SYN2: variants seen among roughly 807,000 people sequenced by gnomAD.
The protein encoded by SYN2 is synapsin II, also known as synapsin-2.
In SYN2, 19 loss-of-function variants were observed where a neutral mutation model predicts 50.9. The ratio of observed to expected loss-of-function variants is 0.37; its 90% CI spans 0.26 to 0.55. The LOEUF (loss-of-function observed/expected upper bound fraction) is 0.55. Ranked by LOEUF, SYN2 falls within the 20% of genes least tolerant of loss-of-function variation. The probability of loss-of-function intolerance (pLI) is 0.81; values close to 1 mark genes in which losing one functional copy is unlikely to be tolerated. For synonymous variants in SYN2, 255 were observed against 224.9 expected, an observed-to-expected ratio of 1.13 and a Z score of -1.20; for missense variants, 587 against 576.4, an observed-to-expected ratio of 1.02 and a Z score of -0.19.
At chr3:12,165,378 T>G (rs144130591) in intron 7 of SYN2, 59 of 152,336 alleles carry the variant, frequency 3.9e-4, no homozygotes, top group African/African-American at 1.4e-3. Context: ...GATTGAAAGG[T>G]TCTACTACTG....
At chr3:12,019,511 C>T (rs948957978) in intron 1 of SYN2, among the ~76,000 whole-genome samples, 1 of 152,166 alleles carries the variant, frequency 6.6e-6, no homozygotes, top group African/African-American at 2.4e-5. Context: ...CACCCACCTA[C>T]ATGAAAAGTC....
chr3:12,126,328 A>G (rs573588821), intron 1 of SYN2, among the ~76,000 whole-genome samples: 1 of 152,336 alleles, frequency 6.6e-6, no homozygotes, highest in South Asian at 2.1e-4. Flanking sequence ...CCTGTCTGCC[A>G]TATGTATATT....
intron 1 of SYN2, among the ~76,000 whole-genome samples, chr3:12,076,349 G>T (rs1163808018): frequency 6.6e-6 from 1 of 151,974 alleles, no homozygotes; most frequent in Non-Finnish European, 1.5e-5. Flanking sequence ...TCTTGTTTTA[G>T]TACATAAAGT....
At chr3:12,101,555 A>T (rs936160568) in intron 1 of SYN2, among the ~76,000 whole-genome samples, 1 of 152,200 alleles carries the variant, frequency 6.6e-6, no homozygotes, top group Non-Finnish European at 1.5e-5. Flanking sequence ...CTAGAATTAG[A>T]TAGTGGTGAC....
At chr3:12,037,852 C>G (rs903470138) in intron 1 of SYN2, among the ~76,000 whole-genome samples, 1 of 152,174 alleles carries the variant, frequency 6.6e-6, no homozygotes, top group Non-Finnish European at 1.5e-5. Flanking sequence ...TTCTCCCATT[C>G]TGTGGCTTAT....
chr3:12,118,825 C>CA (rs1427072349), intron 1 of SYN2, among the ~76,000 whole-genome samples: 6 of 151,564 alleles, frequency 4.0e-5, no homozygotes, highest in East Asian at 3.9e-4. Flanking sequence ...GTAGCCAAAG[C>CA]AAAAAAACAA....
intron 8 of SYN2, 101 bp downstream of exon 8, chr3:12,167,409 G>T (rs1697829750): frequency 1.6e-6 from 2 of 1,253,052 alleles, no homozygotes; most frequent in South Asian, 1.3e-5. Flanking sequence ...GAGTCATGGA[G>T]CAAACCGGAC....
chr3:12,075,766 G>A (rs971227129), intron 1 of SYN2, among the ~76,000 whole-genome samples: 2 of 152,058 alleles, frequency 1.3e-5, no homozygotes, highest in Admixed American at 6.6e-5. Context: ...TGCATTAGGA[G>A]TACATAAATG....
intron 1 of SYN2, among the ~76,000 whole-genome samples, chr3:12,028,191 C>T (rs941218396): frequency 3.3e-5 from 5 of 151,638 alleles, no homozygotes; most frequent in Admixed American, 3.3e-4. Flanking sequence ...CATGTCCCTA[C>T]AAAGGACATG....
intron 1 of SYN2, among the ~76,000 whole-genome samples, chr3:12,107,260 A>G (rs1252778365): frequency 6.6e-6 from 1 of 152,228 alleles, no homozygotes; most frequent in Admixed American, 6.5e-5. Flanking sequence ...ACGGATACCA[A>G]CAGTTGCTGC....
At chr3:12,093,060 C>G (rs921516431) in intron 1 of SYN2, among the ~76,000 whole-genome samples, 6 of 152,268 alleles carry the variant, frequency 3.9e-5, no homozygotes, top group Admixed American at 3.9e-4. Flanking sequence ...CCTCTTTGGG[C>G]ATCTGTTTTC....
At chr3:12,123,631 C>T (rs1014466583) in intron 1 of SYN2, among the ~76,000 whole-genome samples, 4 of 151,986 alleles carry the variant, frequency 2.6e-5, no homozygotes, top group African/African-American at 7.2e-5. Context: ...CACACACACA[C>T]GAGGATAAGA....
chr3:12,098,766 G>A (rs1333670814), intron 1 of SYN2, among the ~76,000 whole-genome samples: 1 of 149,684 alleles, frequency 6.7e-6, no homozygotes, highest in Non-Finnish European at 1.5e-5. Context: ...ATGACAGAAT[G>A]TATTTTAAAA....
intron 1 of SYN2, among the ~76,000 whole-genome samples, chr3:12,090,095 GAC>G (rs1275623279): frequency 6.6e-6 from 1 of 152,288 alleles, no homozygotes; most frequent in Non-Finnish European, 1.5e-5. Flanking sequence ...GCCTCCAGGA[GAC>G]ACATTTCTCT....
At chr3:12,121,072 T>A (rs927620624) in intron 1 of SYN2, among the ~76,000 whole-genome samples, 2 of 152,226 alleles carry the variant, frequency 1.3e-5, no homozygotes, top group Admixed American at 6.5e-5. Context: ...CCTTTGCTTA[T>A]GCTATTTGCC....
In SYN2 at chr3:12,081,390, A is replaced by G. The variant is rs1028141213; in HGVS notation, c.378-59261A>G. Reference sequence around the variant, plus strand: ...AAAATAAAAAGGTAACTGAAAGACAATTTGCTTTTTTGGCATTCCTTATTT... The same window carrying G: ...AAAATAAAAAGGTAACTGAAAGACAGTTTGCTTTTTTGGCATTCCTTATTT... On this transcript the variant is annotated intron_variant, in intron 1 of 12. Transcript: ENST00000621198. Among the ~76,000 whole-genome samples, 10 of 152,164 alleles carry G rather than the reference A, an allele frequency of 6.6e-5. No homozygotes were observed. The South Asian group carries it at 1.2e-3, about 19-fold the overall frequency.
Position 12,145,777 on chromosome 3 carries a change from G to T in SYN2, c.626G>T (p.Gly209Val), listed in dbSNP as rs1697135218. 2.5e-6 allele frequency: 4 copies of T among 1,613,884 alleles called. No homozygotes were observed. Among genetic ancestry groups the T allele is most frequent in the Non-Finnish European group, 3.4e-6 (4 of 1,179,894 alleles). ...CTGATCATTGGTATGCAGTATGCAG[G>T]CCTCCCCAGCATCAACTCACTGGAA... Reference protein sequence around the residue: ...RHLIIGMQYAGLPSINSLESI... With the variant: ...RHLIIGMQYAVLPSINSLESI... The change falls in exon 4 of 13, where the codon GGC becomes GTC. Residue 209 changes from glycine to valine, a missense_variant. Physicochemically the swap from Gly to Val is moderately radical, Grantham distance 109. Transcript: ENST00000621198.
At chr3:12,096,474 C>CA (rs1462483690) in intron 1 of SYN2, among the ~76,000 whole-genome samples, 1 of 151,956 alleles carries the variant, frequency 6.6e-6, no homozygotes, top group Non-Finnish European at 1.5e-5. Flanking sequence ...GACATTTTCA[C>CA]AAAGTTAAAT....
At chr3:12,151,771 A>G (rs548098598) in intron 5 of SYN2, among the ~76,000 whole-genome samples, 1 of 152,306 alleles carries the variant, frequency 6.6e-6, no homozygotes, top group East Asian at 1.9e-4. Flanking sequence ...GCTTCTGGGA[A>G]AGTGTGAAGC....
Sources: allele counts gnomAD v4.1 joint callset (sites outside exome capture counted in the v4.1 genomes callset), GRCh38; gene constraint gnomAD v4.1.1; transcripts MANE v1.5; gene names NCBI Gene and HGNC (gene_info 2026-07-23, HGNC 2026-07-21).